TARBP1: variants seen among roughly 807,000 people sequenced by gnomAD.
The protein encoded by TARBP1 is tRNA guanosine 2 -O-methyltransferase TARBP1, also known as tRNA (guanosine(18)-2'-O)-methyltransferase TARBP1.
TARBP1 carries 144 observed loss-of-function variants against 178.6 expected under a neutral mutation model. The ratio of observed to expected loss-of-function variants is 0.81; its 90% CI spans 0.70 to 0.93. The LOEUF (loss-of-function observed/expected upper bound fraction) is 0.93, where lower values mean the gene tolerates loss of function less well. Among genes scored for constraint, TARBP1 ranks in the 40% least tolerant of loss-of-function variants. The pLI is 0.00. For synonymous variants in TARBP1, 787 were observed against 781.0 expected (o/e 1.01, Z -0.13); for missense variants, 2,067 against 2,011.7 (o/e 1.03, Z -0.53).
chr1:234,402,267 G>A (rs1248271046), intron 24 of TARBP1, among the ~76,000 whole-genome samples: 2 of 152,292 alleles, frequency 1.3e-5, no homozygotes, highest in Middle Eastern at 6.8e-3. Context: ...ATGCCTTTCT[G>A]CACTGTTCAA....
At chr1:234,452,009 C>G (rs1024739734) in intron 9 of TARBP1, among the ~76,000 whole-genome samples, 5 of 152,164 alleles carry the variant, frequency 3.3e-5, no homozygotes, top group Non-Finnish European at 7.3e-5. Flanking sequence ...CTACAAAATA[C>G]GTGAGGCTTT....
intron 12 of TARBP1, among the ~76,000 whole-genome samples, chr1:234,445,085 C>T (rs1322307570): frequency 2.0e-5 from 3 of 152,154 alleles, no homozygotes; most frequent in Non-Finnish European, 4.4e-5. Flanking sequence ...CCGTTGAGGT[C>T]GCCGCTGATT....
intron 9 of TARBP1, among the ~76,000 whole-genome samples, chr1:234,456,447 C>T (rs369289127): frequency 2.0e-5 from 3 of 152,276 alleles, no homozygotes; most frequent in South Asian, 4.1e-4. Context: ...GTGATCTGCC[C>T]GCCTCAGCCT....
Position 234,479,068 on chromosome 1 carries a change from C to T in TARBP1, c.36G>A (p.Gln12=), listed in dbSNP as rs757112355. The change falls in exon 1 of 30, where the codon CAG becomes CAA. Residue 12 remains glutamine (Q), a synonymous_variant. Transcript: ENST00000040877. ...CAAGCAGGGCCCGGGGGTCCCGGCT[C>T]TGCGAGAGCAGCGCTTCCGCGAGCA... ...EWVLAEALLS[Q]SRDPRALLGA... 6.5e-7 allele frequency: 1 copy of T among 1,540,166 alleles called. No homozygotes were observed. The highest frequency in any genetic ancestry group is 1.2e-5 in the South Asian group (1 of 85,052).
intron 23 of TARBP1, among the ~76,000 whole-genome samples, chr1:234,409,602 TATC>T (rs1280506162): frequency 6.6e-6 from 1 of 152,256 alleles, no homozygotes; most frequent in Admixed American, 6.5e-5. Flanking sequence ...TTAAAAGTGT[TATC>T]ATGATTTTAG....
intron 27 of TARBP1, 77 bp from the exon 28 acceptor site, chr1:234,393,563 A>C: frequency 6.4e-7 from 1 of 1,573,380 alleles, no homozygotes; most frequent in Non-Finnish European, 8.6e-7. Context: ...CATTCCTTTG[A>C]AGCTCCCGTG....
intron 3 of TARBP1, among the ~76,000 whole-genome samples, chr1:234,468,561 T>A (rs1668694940): frequency 6.6e-6 from 1 of 152,214 alleles, no homozygotes; most frequent in African/African-American, 2.4e-5. Context: ...AACTTCAGAT[T>A]TGGAATAGTT....
At chr1:234,456,241 T>G (rs1373088560) in intron 9 of TARBP1, among the ~76,000 whole-genome samples, 1 of 152,230 alleles carries the variant, frequency 6.6e-6, no homozygotes, top group African/African-American at 2.4e-5. Context: ...CACTCTGTCG[T>G]GCACGCTGGA....
chr1:234,470,176 A>G (rs1421967154), intron 3 of TARBP1, among the ~76,000 whole-genome samples: 1 of 152,112 alleles, frequency 6.6e-6, no homozygotes, highest in Non-Finnish European at 1.5e-5. Context: ...CCGAGGCAAA[A>G]AAATTGCCTG....
chr1:234,411,628 T>C (rs1163590912), intron 22 of TARBP1, among the ~76,000 whole-genome samples: 1 of 152,214 alleles, frequency 6.6e-6, no homozygotes, highest in Non-Finnish European at 1.5e-5. Context: ...GGAATCATAC[T>C]GTAGAGGCTT....
chr1:234,424,420 C>G (rs534904983), intron 20 of TARBP1, among the ~76,000 whole-genome samples: 38 of 152,284 alleles, frequency 2.5e-4, no homozygotes, highest in Admixed American at 1.1e-3. Flanking sequence ...TTGTTTTTAT[C>G]TGAATAAATA....
chr1:234,413,180 C>A (rs1662037877), intron 22 of TARBP1, among the ~76,000 whole-genome samples: 1 of 152,180 alleles, frequency 6.6e-6, no homozygotes, highest in Admixed American at 6.5e-5. Context: ...CCAGCAGACA[C>A]CACAAGGAGC....
At position 234,391,653 on chromosome 1, in the gene TARBP1, A is replaced by C. The variant is rs1659378800; in HGVS notation, c.4790T>G (p.Val1597Gly). ...GATCAGCAGGGCTCCACTCACATGG[A>C]CATTCAGGGAGCGGATAATGCCCTG... ...PQQGIIRSLNVHVSGALLIWE... is the reference protein window; with the variant it reads ...PQQGIIRSLNGHVSGALLIWE... The change falls in exon 30 of 30, where the codon GTC (valine) becomes GGC (glycine). Residue 1597 changes from valine (V) to glycine (G), a missense_variant. Coordinates refer to ENST00000040877, the MANE Select transcript of TARBP1 (RefSeq NM_005646.4). The C allele has an allele frequency of 6.2e-7, 1 of 1,613,722 alleles. No homozygotes were observed. The highest frequency in any genetic ancestry group is 8.5e-7 in the Non-Finnish European group (1 of 1,180,014).
At chr1:234,478,095 A>C in intron 1 of TARBP1, 78 bp downstream of exon 1, 1 of 1,410,924 alleles carries the variant, frequency 7.1e-7, no homozygotes, top group Non-Finnish European at 9.8e-7. Context: ...CCGATAAGCT[A>C]GTTTTTAGAA....
chr1:234,435,785 G>A (rs764056370), intron 13 of TARBP1, among the ~76,000 whole-genome samples: 16 of 152,162 alleles, frequency 1.1e-4, no homozygotes, highest in African/African-American at 2.4e-4. Flanking sequence ...AGGCAGCGGC[G>A]TAGCAGCAGA....
intron 1 of TARBP1, among the ~76,000 whole-genome samples, chr1:234,477,286 C>G (rs1669654670): frequency 6.6e-6 from 1 of 152,200 alleles, no homozygotes; most frequent in Non-Finnish European, 1.5e-5. Flanking sequence ...AGTGAAAACT[C>G]TCAGGGATGA....
chr1:234,442,746 A>T (rs1253533735), intron 12 of TARBP1, among the ~76,000 whole-genome samples: 1 of 152,224 alleles, frequency 6.6e-6, no homozygotes, highest in Non-Finnish European at 1.5e-5. Context: ...CATTCAATTA[A>T]AATAAATTTG....
rs552178289 is a variant in TARBP1, at chr1:234,408,729, C to G, written c.3792+1716G>C. 2.0e-5 allele frequency among the ~76,000 whole-genome samples: 3 copies of G among 152,156 alleles called. No homozygotes were observed. The South Asian group carries it at 6.2e-4, about 32-fold the overall frequency. On this transcript the variant is annotated intron_variant, in intron 23 of 29. Transcript: ENST00000040877. ...ATCTCCGACCCAACCAATCAACACC[C>G]TTGACTCACTGGCCTTCCCCCTCCC...
rs531634902 is a variant in TARBP1, at chr1:234,433,313, G to A, written c.2394+97C>T. On this transcript the variant is annotated intron_variant, in intron 14 of 29. Transcript: ENST00000040877. The stretch of plus-strand genomic sequence containing the variant: ...ATTTTAAAACTGAATTTTAGTTAAC[G>A]CTTTGTATGGTATCAAAATAGTGTA... 41 of 1,261,350 alleles carry A rather than the reference G, an allele frequency of 3.3e-5. No individual in the cohort carries two copies. The African/African-American group carries it at 5.0e-4, about 15-fold the overall frequency. 78.1% of individuals were successfully genotyped at this position (1,261,350 alleles called of 1,614,324 possible).
Sources: gnomAD v4.1 joint callset for allele counts (sites outside exome capture counted in the v4.1 genomes callset) on GRCh38, gnomAD v4.1.1 for gene constraint, MANE v1.5 for transcripts, NCBI Gene and HGNC (gene_info 2026-07-23, HGNC 2026-07-21) for gene names.